NCMAP: variants seen among roughly 807,000 people sequenced by gnomAD.
NCMAP encodes noncompact myelin-associated protein.
NCMAP carries 8 observed loss-of-function variants against 7.8 expected under a neutral mutation model. The observed-to-expected ratio is 1.02, with a 90% CI of 0.60 to 1.84. NCMAP has a LOEUF of 1.84. NCMAP is among the 40% of genes most tolerant of loss of function. The pLI is 0.00. For missense variants in NCMAP, 112 were observed against 131.4 expected, an observed-to-expected ratio of 0.85 and a Z score of 0.72; for synonymous variants, 41 against 52.9, an observed-to-expected ratio of 0.78 and a Z score of 0.98.
chr1:24,574,057 C>G (rs554574538), intron 1 of NCMAP, among the ~76,000 whole-genome samples: 11 of 150,044 alleles, frequency 7.3e-5, no homozygotes, highest in African/African-American at 2.5e-4. Context: ...TCCAGGCCCC[C>G]TGGCCCTTGG....
At chr1:24,585,772 G>A (rs966197237) in intron 1 of NCMAP, among the ~76,000 whole-genome samples, 3 of 152,188 alleles carry the variant, frequency 2.0e-5, no homozygotes, top group African/African-American at 7.2e-5. Context: ...CTCTTTGGGG[G>A]AGATTTCACT....
intron 1 of NCMAP, among the ~76,000 whole-genome samples, chr1:24,564,798 G>A (rs539467996): frequency 3.3e-4 from 50 of 152,140 alleles, no homozygotes; most frequent in Non-Finnish European, 6.3e-4. Flanking sequence ...AACAGATGGC[G>A]TACAGAGGAA....
rs183970542 is a variant in NCMAP at position 24,571,678 on chromosome 1, C to T, written c.-8+15509C>T. On this transcript the variant is annotated intron_variant, in intron 1 of 3. Transcript: ENST00000374392. The stretch of plus-strand genomic sequence containing the variant: ...TCGGCTCACTGCAACCTCTGCCTCC[C>T]GGGTTCAAGAGATTCTCCTGCCTCA... 6.6e-4 allele frequency among the ~76,000 whole-genome samples: 99 copies of T among 149,766 alleles called. 7 individuals are homozygous for T. Among genetic ancestry groups the T allele is most frequent in the African/African-American group, 2.3e-3 (90 of 39,438 alleles).
intron 1 of NCMAP, among the ~76,000 whole-genome samples, chr1:24,565,045 A>T (rs1315081308): frequency 6.6e-6 from 1 of 152,232 alleles, no homozygotes; most frequent in Non-Finnish European, 1.5e-5. Context: ...TAATGAAAGA[A>T]ATGTTCAGGA....
At chr1:24,559,077 C>G (rs1241335621) in intron 1 of NCMAP, among the ~76,000 whole-genome samples, 1 of 152,050 alleles carries the variant, frequency 6.6e-6, no homozygotes, top group Non-Finnish European at 1.5e-5. Context: ...CAAAACAGAA[C>G]TTCTGTAATT....
chr1:24,598,032 A>G (rs1306531752), intron 2 of NCMAP, among the ~76,000 whole-genome samples: 1 of 152,100 alleles, frequency 6.6e-6, no homozygotes, highest in Non-Finnish European at 1.5e-5. Context: ...AAGAGATAAG[A>G]TTAAATATCT....
At chr1:24,584,941 G>C (rs999008002) in intron 1 of NCMAP, among the ~76,000 whole-genome samples, 10 of 143,230 alleles carry the variant, frequency 7.0e-5, no homozygotes, top group Admixed American at 2.2e-4. Flanking sequence ...AGAAGAACGG[G>C]TGGAAGGACT....
intron 1 of NCMAP, among the ~76,000 whole-genome samples, chr1:24,574,414 C>T (rs369952301): frequency 8.5e-5 from 13 of 152,140 alleles, no homozygotes; most frequent in African/African-American, 2.7e-4. Context: ...CCACCGCGCC[C>T]GGCCAACGGG....
chr1:24,596,579 G>T (rs111839571), intron 2 of NCMAP, among the ~76,000 whole-genome samples: 2 of 151,540 alleles, frequency 1.3e-5, no homozygotes, highest in Non-Finnish European at 2.9e-5. Context: ...AGCTACACGG[G>T]GGGTGCTGAG....
At chr1:24,564,538 A>AAAC in intron 1 of NCMAP, among the ~76,000 whole-genome samples, 1 of 148,424 alleles carries the variant, frequency 6.7e-6, no homozygotes, top group Non-Finnish European at 1.5e-5. Flanking sequence ...AAAAACAAAA[A>AAAC]AAAACCTGAG....
chr1:24,568,129 C>G (rs940625671), intron 1 of NCMAP, among the ~76,000 whole-genome samples: 9 of 152,168 alleles, frequency 5.9e-5, no homozygotes, highest in African/African-American at 1.7e-4. Flanking sequence ...AGAGCTTCCT[C>G]CTTGTCACGG....
At position 24,595,491 on chromosome 1, in the gene NCMAP, G is replaced by T. The variant is rs780204818; in HGVS notation, c.61G>T (p.Gly21Ter). Residue 21 changes from glycine (G) to a stop codon, truncating the protein, a stop_gained, in exon 2 of 4, where the codon GGA becomes TGA. Coordinates refer to ENST00000374392, the MANE Select transcript of NCMAP (RefSeq NM_001010980.5). LOFTEE classifies it high-confidence loss of function. ...CTTCTCACTGAACATGACCACCAGG[G>T]GAGAAGACTTCCTGTATAAGAGTAA... Reference protein sequence around the residue: ...TFFSLNMTTRGEDFLYKSSGA... With the variant: ...TFFSLNMTTR 8 of 1,613,854 alleles carry T rather than the reference G, an allele frequency of 5.0e-6. No individual in the cohort carries two copies. Among genetic ancestry groups the T allele is most frequent in the Non-Finnish European group, 5.9e-6 (7 of 1,179,756 alleles).
chr1:24,562,223 G>A (rs1388990285), intron 1 of NCMAP, among the ~76,000 whole-genome samples: 3 of 152,166 alleles, frequency 2.0e-5, no homozygotes, highest in Admixed American at 1.3e-4. Context: ...AGCGTCATTC[G>A]TCACAATAAT....
chr1:24,577,320 A>G (rs1176042426), intron 1 of NCMAP, among the ~76,000 whole-genome samples: 1 of 150,158 alleles, frequency 6.7e-6, no homozygotes, highest in Non-Finnish European at 1.5e-5. Context: ...AGGAAGAGAC[A>G]GAGAAACAAA....
intron 2 of NCMAP, 44 bp downstream of exon 2, chr1:24,595,556 CCA>C: frequency 3.4e-6 from 5 of 1,477,658 alleles, no homozygotes; most frequent in Non-Finnish European, 4.7e-6. Flanking sequence ...GATGGCAGGA[CCA>C]GTGTCATGGT....
intron 1 of NCMAP, among the ~76,000 whole-genome samples, chr1:24,567,469 T>C (rs191917953): frequency 6.6e-6 from 1 of 152,292 alleles, no homozygotes; most frequent in Admixed American, 6.5e-5. Flanking sequence ...CCAGGCATTC[T>C]GCTAGGGGGT....
chr1:24,592,061 G>A (rs1557600748), intron 1 of NCMAP, among the ~76,000 whole-genome samples: 1 of 152,234 alleles, frequency 6.6e-6, no homozygotes, highest in East Asian at 1.9e-4. Context: ...CTTGGGCAGG[G>A]ACTGGGGAGG....
chr1:24,568,799 G>A (rs1229915894), intron 1 of NCMAP, among the ~76,000 whole-genome samples: 1 of 152,034 alleles, frequency 6.6e-6, no homozygotes, highest in Non-Finnish European at 1.5e-5. Context: ...TTTTGTTGTT[G>A]TTATTAGAGA....
chr1:24,594,440 A>T (rs1652151311), intron 1 of NCMAP, among the ~76,000 whole-genome samples: 1 of 152,198 alleles, frequency 6.6e-6, no homozygotes, highest in African/African-American at 2.4e-5. Flanking sequence ...AACCACCTTG[A>T]GTCCCAGCTT....
Sources: allele counts gnomAD v4.1 joint callset (sites outside exome capture counted in the v4.1 genomes callset), GRCh38; gene constraint gnomAD v4.1.1; transcripts MANE v1.5; gene names NCBI Gene and HGNC (gene_info 2026-07-23, HGNC 2026-07-21).